KCNH8: variants seen among roughly 807,000 people sequenced by gnomAD.
KCNH8 encodes the protein voltage-gated delayed rectifier potassium channel KCNH8.
KCNH8 carries 70 observed loss-of-function variants against 103.6 expected under a neutral mutation model. The observed-to-expected ratio is 0.68, with a 90% confidence interval of 0.56 to 0.82. The LOEUF (loss-of-function observed/expected upper bound fraction) is 0.82, where lower values mean the gene tolerates loss of function less well. Among genes scored for constraint, KCNH8 ranks in the 40% least tolerant of loss-of-function variants. The pLI is 0.00. For missense variants in KCNH8, 1,217 were observed against 1,329.9 expected, an observed-to-expected ratio of 0.92 and a Z score of 1.32; for synonymous variants, 498 against 489.4, an observed-to-expected ratio of 1.02 and a Z score of -0.23.
At chr3:19,528,610 G>C (rs999033948) in intron 15 of KCNH8, among the ~76,000 whole-genome samples, 1 of 152,032 alleles carries the variant, frequency 6.6e-6, no homozygotes, top group African/African-American at 2.4e-5. Context: ...CCTACTTTTA[G>C]TATATATACT....
intron 1 of KCNH8, among the ~76,000 whole-genome samples, chr3:19,238,744 T>C (rs2064096497): frequency 6.6e-6 from 1 of 152,200 alleles, no homozygotes; most frequent in Non-Finnish European, 1.5e-5. Context: ...GTTTATATCA[T>C]AAAATACACA....
rs1706091453 is a variant in KCNH8 at position 19,185,813 on chromosome 3, CT to C, written c.76+37020del. Among the ~76,000 whole-genome samples, 4 of 151,844 alleles carry C rather than the reference CT, an allele frequency of 2.6e-5. No individual in the cohort carries two copies. In the South Asian group the frequency reaches 8.3e-4, roughly 32 times the overall value. On this transcript the variant is annotated intron_variant, in intron 1 of 15. Coordinates refer to ENST00000328405, the MANE Select transcript of KCNH8 (RefSeq NM_144633.3). ...CTGGTAATTCTGTCAAAGCAATGGT[CT>C]TATATTTACTTTCCACATTTATTCC...
At chr3:19,467,429 C>G (rs1003247604) in intron 11 of KCNH8, among the ~76,000 whole-genome samples, 2 of 152,154 alleles carry the variant, frequency 1.3e-5, no homozygotes, top group African/African-American at 4.8e-5. Flanking sequence ...GTGATAGACA[C>G]TGTGTATGCA....
At chr3:19,190,256 A>C (rs1006837394) in intron 1 of KCNH8, among the ~76,000 whole-genome samples, 19 of 151,946 alleles carry the variant, frequency 1.3e-4, no homozygotes, top group African/African-American at 4.6e-4. Context: ...AATTTTATTC[A>C]CTTCCTTTTT....
At chr3:19,419,584 G>A (rs1271387272) in intron 7 of KCNH8, among the ~76,000 whole-genome samples, 1 of 152,036 alleles carries the variant, frequency 6.6e-6, no homozygotes, top group Non-Finnish European at 1.5e-5. Context: ...TTGAATGTGA[G>A]AGTCTTTGGA....
At chr3:19,288,834 G>A (rs201672330) in intron 3 of KCNH8, among the ~76,000 whole-genome samples, 21 of 152,094 alleles carry the variant, frequency 1.4e-4, no homozygotes, top group African/African-American at 4.1e-4. Flanking sequence ...GAACTAGTTT[G>A]CAGTCCCACC....
chr3:19,293,167 C>A (rs1255740340), intron 3 of KCNH8, among the ~76,000 whole-genome samples: 1 of 152,138 alleles, frequency 6.6e-6, no homozygotes, highest in African/African-American at 2.4e-5. Flanking sequence ...GTAAAGTGAA[C>A]TGCCCAATGC....
At chr3:19,409,674 C>A (rs1438156655) in intron 7 of KCNH8, among the ~76,000 whole-genome samples, 11 of 152,016 alleles carry the variant, frequency 7.2e-5, no homozygotes, top group Admixed American at 7.2e-4. Context: ...AAAGATATAC[C>A]ATGCAAACAG....
chr3:19,309,583 C>T (rs747617411), intron 3 of KCNH8, among the ~76,000 whole-genome samples: 1 of 151,806 alleles, frequency 6.6e-6, no homozygotes, highest in South Asian at 2.1e-4. Context: ...TGATAACTAA[C>T]ATATATTATT....
At chr3:19,190,772 G>A (rs1184897275) in intron 1 of KCNH8, among the ~76,000 whole-genome samples, 1 of 151,902 alleles carries the variant, frequency 6.6e-6, no homozygotes, top group Non-Finnish European at 1.5e-5. Context: ...GTTTAGGACT[G>A]TGCGCAGGAA....
At chr3:19,206,172 A>G (rs867651408) in intron 1 of KCNH8, among the ~76,000 whole-genome samples, 8 of 133,040 alleles carry the variant, frequency 6.0e-5, no homozygotes, top group African/African-American at 3.1e-4. Flanking sequence ...GTGTGTGTAT[A>G]TATATATATA....
chr3:19,466,648 CATTTTTTT>C (rs2067742554), intron 11 of KCNH8, among the ~76,000 whole-genome samples: 8 of 107,748 alleles, frequency 7.4e-5, no homozygotes, highest in African/African-American at 2.8e-4. Context: ...TGTAGCAATA[CATTTTTTT>C]TTTTTTTTTT....
chr3:19,493,562 C>G (rs1192286951), intron 11 of KCNH8, among the ~76,000 whole-genome samples: 1 of 152,126 alleles, frequency 6.6e-6, no homozygotes, highest in African/African-American at 2.4e-5. Flanking sequence ...CCCAGCCAAG[C>G]AGAACTGTGA....
At chr3:19,174,803 A>G (rs2122379) in intron 1 of KCNH8, among the ~76,000 whole-genome samples, 3,080 of 152,288 alleles carry the variant, frequency 0.02, 98 homozygotes, top group African/African-American at 0.069. Context: ...GCAATTTAAA[A>G]TATTTTTATT....
At position 19,307,484 on chromosome 3, in the gene KCNH8, TTCTTCAAAAA is replaced by T. The variant is rs1284181264; in HGVS notation, c.442+26159_442+26168del. ...GCCACTACAAAGGACAGTACGGAAG[TTCTTCAAAAA>T]TCTGCAAAAAGAACTACCTTATAAT... On this transcript the variant is annotated intron_variant, in intron 3 of 15. Transcript: ENST00000328405. Among the ~76,000 whole-genome samples the T allele has an allele frequency of 5.9e-5, 9 of 152,038 alleles. No homozygotes were observed. In the East Asian group the frequency reaches 1.7e-3, roughly 29 times the overall value.
intron 4 of KCNH8, among the ~76,000 whole-genome samples, chr3:19,345,958 T>A (rs1474999109): frequency 6.6e-6 from 1 of 152,038 alleles, no homozygotes; most frequent in Non-Finnish European, 1.5e-5. Flanking sequence ...ATCAGCATAA[T>A]CAAAGACAAA....
chr3:19,319,001 ATTTG>A (rs890098238), intron 3 of KCNH8, among the ~76,000 whole-genome samples: 17 of 150,768 alleles, frequency 1.1e-4, no homozygotes, highest in African/African-American at 3.9e-4. Context: ...TGATGGGATT[ATTTG>A]TTTATTTATT....
intron 15 of KCNH8, 38 bp downstream of exon 15, chr3:19,518,112 G>C (rs762915679): frequency 1.3e-6 from 2 of 1,503,060 alleles, no homozygotes; most frequent in Admixed American, 1.7e-5. Context: ...TAAATGGTAA[G>C]AGGAGATATA....
At chr3:19,434,301 T>A (rs1037762608) in intron 7 of KCNH8, among the ~76,000 whole-genome samples, 4 of 152,252 alleles carry the variant, frequency 2.6e-5, no homozygotes, top group Non-Finnish European at 1.5e-5. Flanking sequence ...GCAATAGAGA[T>A]GAAATCTCAA....
Sources: gnomAD v4.1 joint callset for allele counts (sites outside exome capture counted in the v4.1 genomes callset) on GRCh38, gnomAD v4.1.1 for gene constraint, MANE v1.5 for transcripts, NCBI Gene and HGNC (gene_info 2026-07-23, HGNC 2026-07-21) for gene names.